The following TRIM2 variants were observed in gnomAD, a reference collection of about 807,000 sequenced individuals.
TRIM2 encodes the protein tripartite motif-containing protein 2.
A neutral mutation model predicts 75.2 loss-of-function variants in TRIM2; 20 were observed. That is an observed-to-expected ratio of 0.27 (90% CI 0.19 to 0.39). The LOEUF (loss-of-function observed/expected upper bound fraction) is 0.39, where lower values mean the gene tolerates loss of function less well. Ranked by LOEUF, TRIM2 falls within the 10% of genes least tolerant of loss-of-function variation. The pLI, the probability that TRIM2 is intolerant of heterozygous loss-of-function variation, is 1.00. For missense variants in TRIM2, 660 were observed against 990.8 expected (o/e 0.67, Z 4.48); for synonymous variants, 373 against 388.3 (o/e 0.96, Z 0.46).
Position 153,170,219 on chromosome 4 carries a change from A to G in TRIM2, c.-49+16949A>G, listed in dbSNP as rs1730707142. Among the ~76,000 whole-genome samples, 3 of 152,362 alleles carry G rather than the reference A, an allele frequency of 2.0e-5. 1 individual carries two copies. Among genetic ancestry groups the G allele is most frequent in the Middle Eastern group, 6.8e-3 (2 of 294 alleles). ...AGACAAGGTTTAATCAACCTCAGTT[A>G]TACAGTAACTTTCATTCTGATTGTA... On this transcript the variant is annotated intron_variant, in intron 1 of 11. Transcript: ENST00000437508.
At chr4:153,182,795 C>G (rs969876294) in intron 1 of TRIM2, among the ~76,000 whole-genome samples, 3 of 152,160 alleles carry the variant, frequency 2.0e-5, no homozygotes, top group Admixed American at 1.3e-4. Context: ...GTTCCTTAGT[C>G]TCTAAAAGTG....
At position 153,336,233 on chromosome 4, in the gene TRIM2, A is replaced by G; in HGVS notation, c.*1267A>G. On this transcript the variant is annotated 3_prime_UTR_variant, in exon 12 of 12. Transcript: ENST00000338700. Reference sequence around the variant, plus strand: ...CAGCCACTCTTCAGCACATTCCTTTACTAAGCAGTTTAAAGCCGTCCTAGT... The same window carrying G: ...CAGCCACTCTTCAGCACATTCCTTTGCTAAGCAGTTTAAAGCCGTCCTAGT... 2 of 985,566 alleles carry G rather than the reference A, an allele frequency of 2.0e-6. No individual in the cohort carries two copies. The highest frequency in any genetic ancestry group is 2.4e-6 in the Non-Finnish European group (2 of 829,896). 61.1% of individuals were successfully genotyped at this position (985,566 alleles called of 1,614,324 possible). A position where few individuals can be genotyped will look rare whatever the true frequency, so the allele number is the denominator to read the frequency against.
intron 1 of TRIM2, among the ~76,000 whole-genome samples, chr4:153,220,262 T>C (rs1739582637): frequency 7.0e-6 from 1 of 143,670 alleles, no homozygotes; most frequent in South Asian, 2.5e-4. Flanking sequence ...GGGATTCAGA[T>C]AGAATGAGAA....
At chr4:153,218,571 T>G (rs1399873376) in intron 1 of TRIM2, among the ~76,000 whole-genome samples, 1 of 152,226 alleles carries the variant, frequency 6.6e-6, no homozygotes, top group Non-Finnish European at 1.5e-5. Flanking sequence ...TTGCCTCTTA[T>G]CAAAAACATG....
intron 6 of TRIM2, among the ~76,000 whole-genome samples, chr4:153,301,569 C>G (rs1763933669): frequency 6.6e-6 from 1 of 152,168 alleles, no homozygotes; most frequent in African/African-American, 2.4e-5. Context: ...TTGCCCAGAA[C>G]AGTGTCATGG....
chr4:153,163,495 C>CTTTTTTTT (rs70949644), intron 1 of TRIM2, among the ~76,000 whole-genome samples: 2 of 98,680 alleles, frequency 2.0e-5, no homozygotes, highest in Non-Finnish European at 3.7e-5. Flanking sequence ...AGATTTACAT[C>CTTTTTTTT]TTTTTTTTTT....
intron 1 of TRIM2, among the ~76,000 whole-genome samples, chr4:153,233,567 G>C (rs1467060390): frequency 6.6e-6 from 1 of 151,836 alleles, no homozygotes; most frequent in African/African-American, 2.4e-5. Context: ...TGTTTTTTTA[G>C]AGGAAACCAA....
intron 3 of TRIM2, among the ~76,000 whole-genome samples, chr4:153,279,979 C>T (rs1053827173): frequency 6.7e-6 from 1 of 150,222 alleles, no homozygotes; most frequent in East Asian, 2.0e-4. Context: ...GATAGTGGAG[C>T]AAGAGGATTG....
intron 8 of TRIM2, among the ~76,000 whole-genome samples, chr4:153,317,391 G>A (rs1039325977): frequency 1.2e-4 from 18 of 151,480 alleles, no homozygotes; most frequent in African/African-American, 4.1e-4. Context: ...GGCTCAGCCT[G>A]TAATCCCAGC....
chr4:153,210,407 T>G (rs773707843), intron 1 of TRIM2, among the ~76,000 whole-genome samples: 5 of 152,182 alleles, frequency 3.3e-5, no homozygotes, highest in Non-Finnish European at 5.9e-5. Flanking sequence ...AGCAAAATGT[T>G]GCTGAGGAGT....
upstream of TRIM2, among the ~76,000 whole-genome samples, chr4:153,203,479 G>C (rs1734666427): frequency 1.3e-5 from 2 of 151,116 alleles, no homozygotes; most frequent in South Asian, 4.2e-4. Context: ...TGCTGACTTG[G>C]GCATACAATA....
At chr4:153,328,483 C>G in intron 10 of TRIM2, 47 bp from the exon 11 acceptor site, 1 of 1,526,154 alleles carries the variant, frequency 6.6e-7, no homozygotes. Context: ...CATGTTGGTT[C>G]AAGTATTTTG....
chr4:153,215,602 T>G (rs1462944349), intron 1 of TRIM2, among the ~76,000 whole-genome samples: 1 of 152,186 alleles, frequency 6.6e-6, no homozygotes, highest in Admixed American at 6.5e-5. Context: ...ACTATCCCTT[T>G]GTGATATTCC....
chr4:153,265,239 C>A (rs1398054401), intron 1 of TRIM2, among the ~76,000 whole-genome samples: 1 of 151,112 alleles, frequency 6.6e-6, no homozygotes, highest in African/African-American at 2.4e-5. Flanking sequence ...CTGATTATTT[C>A]AAAGGGTACT....
At chr4:153,217,383 G>C (rs1738769068) in intron 1 of TRIM2, among the ~76,000 whole-genome samples, 1 of 152,126 alleles carries the variant, frequency 6.6e-6, no homozygotes, top group Non-Finnish European at 1.5e-5. Flanking sequence ...GAACAGGCAA[G>C]ATTTGGACAG....
At chr4:153,258,786 C>G (rs933179787) in intron 1 of TRIM2, among the ~76,000 whole-genome samples, 16 of 152,166 alleles carry the variant, frequency 1.1e-4, no homozygotes, top group African/African-American at 3.6e-4. Flanking sequence ...GCCATTTGTT[C>G]ATGCAGAATT....
intron 1 of TRIM2, among the ~76,000 whole-genome samples, chr4:153,190,828 C>T (rs1733107321): frequency 6.6e-6 from 1 of 152,170 alleles, no homozygotes; most frequent in South Asian, 2.1e-4. Context: ...ACCTCTGCCT[C>T]CTGGTTTCAC....
At position 153,275,900 on chromosome 4, in the gene TRIM2, C is replaced by A; in HGVS notation, c.223C>A (p.Gln75Lys). ...CCTCTGCTTCTGCAACAGGTGCCTG[C>A]AGAACTACATTCCTGCCCACAGTTT... is the stretch of plus-strand genomic sequence containing the variant. ...CLHTFCERCL[Q>K]NYIPAHSLTL... The change falls in exon 3 of 12, where the codon CAG (glutamine) becomes AAG (lysine). Residue 75 changes from glutamine to lysine, a missense_variant. Coordinates refer to ENST00000338700, the MANE Select transcript of TRIM2 (RefSeq NM_015271.5). The A allele has an allele frequency of 6.2e-7, 1 of 1,614,106 alleles. No individual in the cohort carries two copies. The highest frequency in any genetic ancestry group is 8.5e-7 in the Non-Finnish European group (1 of 1,179,968).
intron 1 of TRIM2, among the ~76,000 whole-genome samples, chr4:153,229,548 G>A (rs1228461609): frequency 6.6e-6 from 1 of 152,158 alleles, no homozygotes; most frequent in Non-Finnish European, 1.5e-5. Context: ...ATGAGCCATC[G>A]CACCTGGCCA....
Sources: allele counts gnomAD v4.1 joint callset (sites outside exome capture counted in the v4.1 genomes callset), GRCh38; gene constraint gnomAD v4.1.1; transcripts MANE v1.5; gene names NCBI Gene and HGNC (gene_info 2026-07-23, HGNC 2026-07-21).